IDI2: variants seen among roughly 807,000 people sequenced by gnomAD.
IDI2 encodes isopentenyl-diphosphate delta-isomerase 2.
A neutral mutation model predicts 14.8 loss-of-function variants in IDI2; 18 were observed. The ratio of observed to expected loss-of-function variants is 1.22; its 90% confidence interval spans 0.84 to 1.80. The LOEUF is 1.80. IDI2 is among the 40% of genes most tolerant of loss of function. IDI2 has a pLI of 0.00. For missense variants in IDI2, 316 were observed against 283.2 expected (o/e 1.12, Z -0.83); for synonymous variants, 133 against 109.6 (o/e 1.21, Z -1.33).
In IDI2 at chr10:1,019,634, A is replaced by G. The variant is rs1554817769; in HGVS notation, c.567T>C (p.Gly189=). ...TTAGCCAGGGGGTGACTTTGACTTCACCCCTCGCCTCCCTCTCCAGCAGCT... is the reference window on the plus strand; with the variant it reads ...TTAGCCAGGGGGTGACTTTGACTTCGCCCCTCGCCTCCCTCTCCAGCAGCT... ...LWELLEREAR[G]EVKVTPWLRT... The change falls in exon 5 of 5, where the codon GGT becomes GGC. Residue 189 remains glycine, a synonymous_variant. Coordinates refer to ENST00000277517, the MANE Select transcript of IDI2 (RefSeq NM_033261.3). The G allele has an allele frequency of 6.2e-7, 1 of 1,613,616 alleles. No individual in the cohort carries two copies. Among genetic ancestry groups the G allele is most frequent in the Non-Finnish European group, 8.5e-7 (1 of 1,179,950 alleles).
intron 2 of IDI2, among the ~76,000 whole-genome samples, chr10:1,024,358 C>T (rs527384412): frequency 2.0e-4 from 31 of 152,244 alleles, no homozygotes; most frequent in African/African-American, 7.0e-4. Context: ...AGGAAGAGCA[C>T]GGATGCCTAG....
In IDI2 at chr10:1,019,393, T is replaced by TGAA; in HGVS notation, c.*123_*124insTTC. The TGAA allele has an allele frequency of 1.5e-6, 1 of 654,730 alleles. No homozygotes were observed. The highest frequency in any genetic ancestry group is 2.0e-5 in the South Asian group (1 of 49,418). The allele number at this position is 654,730 out of a possible 1,614,324, so 40.6% of individuals were successfully genotyped here. A position where few individuals can be genotyped will look rare whatever the true frequency, so the allele number is the denominator to read the frequency against. On this transcript the variant is annotated 3_prime_UTR_variant, in exon 5 of 5. Coordinates refer to ENST00000277517, the MANE Select transcript of IDI2 (RefSeq NM_033261.3). ...TGATGAAAAGGTTGAAATAGTGATT[T>TGAA]ATACATGATGGGCAATCAAGTGCCC...
rs1232946103 is a variant in IDI2, at chr10:1,019,818, A to G, written c.383T>C (p.Ile128Thr). Residue 128 changes from isoleucine to threonine, a missense_variant, in exon 5 of 5, where the codon ATT becomes ACT. Coordinates refer to ENST00000277517, the MANE Select transcript of IDI2 (RefSeq NM_033261.3). Reference sequence around the variant, plus strand: ...GTGGTGATAGATTGTCATGAACACAATGTCCTCTGGAGAAATCTATTGACA... The same window carrying G: ...GTGGTGATAGATTGTCATGAACACAGTGTCCTCTGGAGAAATCTATTGACA... ...IPGEQISPED[I>T]VFMTIYHHKA... 6.2e-7 allele frequency: 1 copy of G among 1,613,566 alleles called. No homozygotes were observed. The highest frequency in any genetic ancestry group is 2.2e-5 in the East Asian group (1 of 44,876).
rs1459082108 is a variant in IDI2, at chr10:1,022,604, A to G, written c.235+79T>C. 6.4e-6 allele frequency: 7 copies of G among 1,096,392 alleles called. No individual in the cohort carries two copies. In the East Asian group the frequency reaches 1.4e-4, roughly 22 times the overall value. The allele number at this position is 1,096,392 out of a possible 1,614,324, so 67.9% of individuals were successfully genotyped here. On this transcript the variant is annotated intron_variant, in intron 3 of 4. Transcript: ENST00000277517. ...ACCACAGTGCGGCACTGAGCACCAG[A>G]GAGTTCCTGTCCCAGATTCCTCCGG... is the stretch of plus-strand genomic sequence containing the variant.
chr10:1,022,398 T>C (rs1832125431), intron 3 of IDI2, among the ~76,000 whole-genome samples: 1 of 152,206 alleles, frequency 6.6e-6, no homozygotes, highest in Admixed American at 6.5e-5. Flanking sequence ...AATCCTTAGG[T>C]TGATAAATTC....
Position 1,023,204 on chromosome 10 carries a change from G to A in IDI2, c.143-429C>T, listed in dbSNP as rs538493675. 1.2e-3 allele frequency among the ~76,000 whole-genome samples: 186 copies of A among 152,246 alleles called. 1 individual carries two copies. The highest frequency in any genetic ancestry group is 4.1e-3 in the African/African-American group (172 of 41,544). ...AGAAGAATGAAATCGGGCCGGGTGC[G>A]GTGGCTCACGCCTGTAATCTCAGCA... On this transcript the variant is annotated intron_variant, in intron 2 of 4. Coordinates refer to ENST00000277517, the MANE Select transcript of IDI2 (RefSeq NM_033261.3).
At position 1,022,728 on chromosome 10, in the gene IDI2, G is replaced by A. The variant is rs756276117; in HGVS notation, c.190C>T (p.Arg64Ter). ...TCCGACCTCTGCTGTATCAGGATTCGATTCTTGGTGTTAAACAAGACAACG... is the reference window on the plus strand; with the variant it reads ...TCCGACCTCTGCTGTATCAGGATTCAATTCTTGGTGTTAAACAAGACAACG... ...FSVVLFNTKN[R>*]ILIQQRSDTK... is the part of the protein sequence containing the mutation. Residue 64 changes from arginine to a stop codon, truncating the protein, a stop_gained, in exon 3 of 5, where the codon CGA (arginine) becomes TGA (stop). Transcript: ENST00000277517. LOFTEE classifies it high-confidence loss of function. The A allele has an allele frequency of 1.7e-5, 28 of 1,613,980 alleles. No individual in the cohort carries two copies. Among genetic ancestry groups the A allele is most frequent in the East Asian group, 1.1e-4 (5 of 44,886 alleles).
At position 1,022,683 on chromosome 10, in the gene IDI2, C is replaced by T. The variant is rs369450470; in HGVS notation, c.235G>A (p.Gly79Arg). The T allele has an allele frequency of 6.2e-6, 10 of 1,611,790 alleles. No individual in the cohort carries two copies. The highest frequency in any genetic ancestry group is 8.5e-6 in the Non-Finnish European group (10 of 1,178,056). ...CCGGGGCTTGGTTGAACGGACTCAC[C>T]AGGAAACGTGACTTTCGTGTCCGAC... is the stretch of plus-strand genomic sequence containing the variant. ...QRSDTKVTFP[G>R]YFTDSCSSHP... The change falls in exon 3 of 5, where the codon GGG (glycine) becomes AGG (arginine). Residue 79 changes from glycine to arginine, a missense_variant and splice_region_variant. Gly to Arg is a moderately radical substitution (Grantham distance 125, BLOSUM62 -2). Coordinates refer to ENST00000277517, the MANE Select transcript of IDI2 (RefSeq NM_033261.3).
intron 4 of IDI2, chr10:1,020,059 A>G: frequency 1.8e-6 from 1 of 570,366 alleles, no homozygotes; most frequent in Non-Finnish European, 3.1e-6. Flanking sequence ...GTCTGTCTTC[A>G]TTTAAAGAAC....
At chr10:1,021,167 C>T (rs564339640) in intron 3 of IDI2, among the ~76,000 whole-genome samples, 9 of 152,292 alleles carry the variant, frequency 5.9e-5, no homozygotes, top group South Asian at 2.1e-4. Flanking sequence ...ACACATGTCC[C>T]GTGGCACTAT....
At chr10:1,025,003 C>T (rs1223854296) in intron 1 of IDI2, among the ~76,000 whole-genome samples, 3 of 132,314 alleles carry the variant, frequency 2.3e-5, no homozygotes, top group Admixed American at 8.4e-5. Flanking sequence ...AAAGAATCCC[C>T]GCCCCACCAC....
In IDI2 at chr10:1,019,429, G is replaced by GT. The variant is rs1195804800; in HGVS notation, c.*87dup. 3.4e-5 allele frequency: 37 copies of GT among 1,088,756 alleles called. No homozygotes were observed. The highest frequency in any genetic ancestry group is 4.6e-5 in the Non-Finnish European group (35 of 769,022). The allele number at this position is 1,088,756 out of a possible 1,614,324, so 67.4% of individuals were successfully genotyped here. A position where few individuals can be genotyped will look rare whatever the true frequency, so the allele number is the denominator to read the frequency against. On this transcript the variant is annotated 3_prime_UTR_variant, in exon 5 of 5. Coordinates refer to ENST00000277517, the MANE Select transcript of IDI2 (RefSeq NM_033261.3). ...GGCAATCAAGTGCCCCTTTTGCCCT[G>GT]TTTTTTGGAGAGGGTGTATCATTGC...
Position 1,019,748 on chromosome 10 carries a change from G to T in IDI2, c.453C>A (p.Tyr151Ter), listed in dbSNP as rs1484469917. ...DRIWGEHEIC[Y>*]LLLVRKNVTL... ...TGACGTTTTTCCTCACAAGCAGAAG[G>T]TAACAAATTTCATGCTCTCCCCAAA... Residue 151 changes from tyrosine to a stop codon, truncating the protein, a stop_gained, in exon 5 of 5, where the codon TAC becomes TAA. Transcript: ENST00000277517. LOFTEE classifies it low-confidence loss of function (END_TRUNC). 2 of 1,613,850 alleles carry T rather than the reference G, an allele frequency of 1.2e-6. No individual in the cohort carries two copies. The highest frequency in any genetic ancestry group is 2.7e-5 in the African/African-American group (2 of 74,856).
rs1312781090 is a variant in IDI2 at position 1,019,068 on chromosome 10, G to T, written c.*449C>A. 1 of 158,532 alleles carries T rather than the reference G, an allele frequency of 6.3e-6. No homozygotes were observed. The highest frequency in any genetic ancestry group is 2.4e-5 in the African/African-American group (1 of 41,444). 9.8% of individuals were successfully genotyped at this position (158,532 alleles called of 1,614,324 possible). ...AATGTGTCTTTTTTTTAAAAATGCA[G>T]CCTTGTGTTGCACTCTGAAATAAGT... On this transcript the variant is annotated 3_prime_UTR_variant, in exon 5 of 5. Transcript: ENST00000277517.
At position 1,020,777 on chromosome 10, in the gene IDI2, G is replaced by C. The variant is rs747635075; in HGVS notation, c.356C>G (p.Pro119Arg). The change falls in exon 4 of 5, where the codon CCT becomes CGT. Residue 119 changes from proline (P) to arginine (R), a missense_variant. Physicochemically the swap from Pro to Arg is moderately radical, Grantham distance 103. Transcript: ENST00000277517. Reference protein sequence around the residue: ...QRRLQAELGIPGEQISPEDIV... With the variant: ...QRRLQAELGIRGEQISPEDIV... ...GGATGCTGTGTGTACCTGCTCCCCA[G>C]GAATTCCCAGCTCTGCTTGCAGACG... 6.2e-7 allele frequency: 1 copy of C among 1,611,976 alleles called. No homozygotes were observed. Among genetic ancestry groups the C allele is most frequent in the Non-Finnish European group, 8.5e-7 (1 of 1,179,370 alleles).
chr10:1,020,846 A>C lies in IDI2; in HGVS notation c.287T>G (p.Leu96Arg). 1 of 1,613,966 alleles carries C rather than the reference A, an allele frequency of 6.2e-7. No individual in the cohort carries two copies. Among genetic ancestry groups the C allele is most frequent in the Non-Finnish European group, 8.5e-7 (1 of 1,179,940 alleles). ...CACTCCGATGGCATCCTTTTCTTCC[A>C]GTTCTGCTGGGTTGTATAATGGGTG... ...SSHPLYNPAE[L>R]EEKDAIGVRR... Residue 96 changes from leucine to arginine, a missense_variant, in exon 4 of 5, where the codon CTG becomes CGG. Physicochemically the swap from Leu to Arg is moderately radical, Grantham distance 102. Transcript: ENST00000277517.
At chr10:1,022,883 GC>G in intron 2 of IDI2, 108 bp from the exon 3 acceptor site, 1 of 804,890 alleles carries the variant, frequency 1.2e-6, no homozygotes, top group Non-Finnish European at 2.1e-6. Flanking sequence ...TGTGATTGTG[GC>G]ACCTGGGCAG....
Position 1,024,672 on chromosome 10 carries a change from C to T in IDI2, c.52G>A (p.Glu18Lys), listed in dbSNP as rs1456954747. 4 of 1,614,160 alleles carry T rather than the reference C, an allele frequency of 2.5e-6. No individual in the cohort carries two copies. The highest frequency in any genetic ancestry group is 2.5e-6 in the Non-Finnish European group (3 of 1,180,024). ...WVDRRQLQRL[E>K]EMLIVVDEND... ...TCATCCACAACAATCAGCATTTCCT[C>T]CAAGCGCTGCAACTGACGCCTGTCA... Residue 18 changes from glutamate (E) to lysine (K), a missense_variant, in exon 2 of 5, where the codon GAG (glutamate) becomes AAG (lysine). Coordinates refer to ENST00000277517, the MANE Select transcript of IDI2 (RefSeq NM_033261.3).
chr10:1,024,079 A>G (rs998273868), intron 2 of IDI2, among the ~76,000 whole-genome samples: 5 of 152,244 alleles, frequency 3.3e-5, no homozygotes, highest in African/African-American at 1.2e-4. Flanking sequence ...AACCATTTCA[A>G]TAGGGGAAAG....
Sources: allele counts gnomAD v4.1 joint callset (sites outside exome capture counted in the v4.1 genomes callset), GRCh38; gene constraint gnomAD v4.1.1; transcripts MANE v1.5; gene names NCBI Gene and HGNC (gene_info 2026-07-23, HGNC 2026-07-21).